CDH18: variants seen among roughly 807,000 people sequenced by gnomAD.
CDH18 encodes cadherin 18, also known as cadherin-18.
CDH18 carries 31 observed loss-of-function variants against 67.9 expected under a neutral mutation model. The ratio of observed to expected loss-of-function variants is 0.46; its 90% confidence interval spans 0.34 to 0.62. The LOEUF is 0.62. Among genes scored for constraint, CDH18 ranks in the 20% least tolerant of loss-of-function variants. CDH18 has a pLI of 0.01. For synonymous variants in CDH18, 362 were observed against 347.2 expected (o/e 1.04, Z -0.48); for missense variants, 890 against 975.5 (o/e 0.91, Z 1.17).
intron 2 of CDH18, among the ~76,000 whole-genome samples, chr5:20,172,230 A>ATATATG (rs1233845934): frequency 1.0e-5 from 1 of 96,678 alleles, no homozygotes; most frequent in African/African-American, 3.9e-5. Context: ...ATATGTATAT[A>ATATATG]TATATATATG....
intron 8 of CDH18, among the ~76,000 whole-genome samples, chr5:19,554,153 T>C (rs907359911): frequency 6.6e-5 from 10 of 152,194 alleles, no homozygotes; most frequent in Admixed American, 6.5e-4. Context: ...ACATGGCACA[T>C]AGATATTTGC....
chr5:20,568,709 T>C (rs1758649129), intron 1 of CDH18, among the ~76,000 whole-genome samples: 1 of 152,188 alleles, frequency 6.6e-6, no homozygotes, highest in Non-Finnish European at 1.5e-5. Flanking sequence ...AAACATTTTC[T>C]ATCTATTCCT....
intron 1 of CDH18, among the ~76,000 whole-genome samples, chr5:20,546,749 A>T (rs1757366491): frequency 5.1e-5 from 2 of 39,264 alleles, no homozygotes; most frequent in African/African-American, 1.4e-4. Flanking sequence ...ATACATACAT[A>T]GACACACACA....
chr5:19,939,349 A>G (rs946388042), intron 2 of CDH18, among the ~76,000 whole-genome samples: 1 of 151,676 alleles, frequency 6.6e-6, no homozygotes, highest in African/African-American at 2.4e-5. Context: ...GTGAAATTCA[A>G]TAAAAAAAAT....
At chr5:20,362,358 G>C (rs1303102521) in intron 1 of CDH18, among the ~76,000 whole-genome samples, 1 of 152,156 alleles carries the variant, frequency 6.6e-6, no homozygotes, top group Non-Finnish European at 1.5e-5. Flanking sequence ...CAAGGATACT[G>C]TTGATACAGC....
chr5:19,823,756 C>T (rs373541406), intron 3 of CDH18, among the ~76,000 whole-genome samples: 66 of 152,232 alleles, frequency 4.3e-4, no homozygotes, highest in African/African-American at 1.5e-3. Flanking sequence ...ATATTTCACC[C>T]AACAACCACA....
chr5:20,228,462 T>C (rs1185959744), intron 2 of CDH18, among the ~76,000 whole-genome samples: 1 of 152,110 alleles, frequency 6.6e-6, no homozygotes, highest in African/African-American at 2.4e-5. Flanking sequence ...CACATAGTTA[T>C]CATTTTTAGA....
chr5:20,501,526 TTATATATA>T (rs1261057888), intron 1 of CDH18, among the ~76,000 whole-genome samples: 1 of 64,966 alleles, frequency 1.5e-5, no homozygotes, highest in African/African-American at 4.8e-5. Flanking sequence ...TATATACATA[TTATATATA>T]TTATATACAT....
chr5:19,784,901 T>C (rs1223773171), intron 3 of CDH18, among the ~76,000 whole-genome samples: 3 of 152,174 alleles, frequency 2.0e-5, no homozygotes, highest in African/African-American at 7.2e-5. Context: ...TCAAGCAATT[T>C]TTTTCTACTG....
intron 3 of CDH18, among the ~76,000 whole-genome samples, chr5:19,752,555 G>A (rs1037029669): frequency 2.0e-5 from 3 of 152,018 alleles, no homozygotes; most frequent in Admixed American, 1.3e-4. Context: ...GTTCAGACAC[G>A]CCTGGCCCTG....
chr5:20,330,418 T>C (rs1444140912), intron 1 of CDH18, among the ~76,000 whole-genome samples: 1 of 152,080 alleles, frequency 6.6e-6, no homozygotes, highest in East Asian at 1.9e-4. Context: ...CTCTCTAAAA[T>C]AATAATTGGT....
chr5:20,039,997 A>C (rs1740264769), intron 2 of CDH18, among the ~76,000 whole-genome samples: 1 of 152,180 alleles, frequency 6.6e-6, no homozygotes, highest in Non-Finnish European at 1.5e-5. Context: ...CAACAAATTT[A>C]CAAGGTAGAA....
At chr5:20,137,962 T>C (rs545974040) in intron 2 of CDH18, among the ~76,000 whole-genome samples, 2 of 152,134 alleles carry the variant, frequency 1.3e-5, no homozygotes, top group African/African-American at 2.4e-5. Context: ...TAACTCATTT[T>C]ATGAGGCCAG....
intron 2 of CDH18, among the ~76,000 whole-genome samples, chr5:20,029,352 T>C (rs1739185493): frequency 6.6e-6 from 1 of 152,174 alleles, no homozygotes; most frequent in Non-Finnish European, 1.5e-5. Context: ...ACATTATAAC[T>C]ATATTTTATT....
chr5:19,949,294 T>C (rs6451573), intron 2 of CDH18, among the ~76,000 whole-genome samples: 92,065 of 151,876 alleles, frequency 0.61, 28,359 homozygotes, highest in Middle Eastern at 0.73. Context: ...CTTTTCAAGG[T>C]TTTATAACAG....
At chr5:20,546,359 C>G (rs1757343657) in intron 1 of CDH18, among the ~76,000 whole-genome samples, 1 of 151,964 alleles carries the variant, frequency 6.6e-6, no homozygotes, top group Non-Finnish European at 1.5e-5. Context: ...CCCCACTCTG[C>G]CAGTACCAAT....
chr5:20,537,078 C>A (rs1351589134), intron 1 of CDH18, among the ~76,000 whole-genome samples: 1 of 152,058 alleles, frequency 6.6e-6, no homozygotes, highest in East Asian at 1.9e-4. Flanking sequence ...GCAACAGGCT[C>A]CAGCCCATTG....
rs574155480 is a variant in CDH18, at chr5:20,281,558, T to C, written c.-579-26053A>G. On this transcript the variant is annotated intron_variant, in intron 1 of 14. Coordinates refer to the CDH18 transcript ENST00000507958. Reference sequence around the variant, plus strand: ...TTTCTGAGGGCTCTGTTCTTTTCCATTGGTCTATATCTCTGTTTTGGTACC... The same window carrying C: ...TTTCTGAGGGCTCTGTTCTTTTCCACTGGTCTATATCTCTGTTTTGGTACC... Among the ~76,000 whole-genome samples the C allele has an allele frequency of 1.7e-4, 26 of 152,182 alleles. 1 individual carries two copies. Among genetic ancestry groups the C allele is most frequent in the African/African-American group, 6.3e-4 (26 of 41,526 alleles).
chr5:19,510,190 C>A (rs1221534217), intron 10 of CDH18, among the ~76,000 whole-genome samples: 2 of 152,050 alleles, frequency 1.3e-5, no homozygotes, highest in Non-Finnish European at 2.9e-5. Flanking sequence ...TTTCTTATTC[C>A]AACTCTGCAT....
Sources: allele counts gnomAD v4.1 joint callset (sites outside exome capture counted in the v4.1 genomes callset), GRCh38; gene constraint gnomAD v4.1.1; transcripts MANE v1.5; gene names NCBI Gene and HGNC (gene_info 2026-07-23, HGNC 2026-07-21).